Variants in ZNF385C observed in about 807,000 individuals in gnomAD.
The protein encoded by ZNF385C is CTD-2132N18.2.
A neutral mutation model predicts 35.4 loss-of-function variants in ZNF385C; 28 were observed. The ratio of observed to expected loss-of-function variants is 0.79; its 90% CI spans 0.59 to 1.08. The LOEUF is 1.08. Among genes scored for constraint, ZNF385C ranks in the 50% least tolerant of loss-of-function variants. The pLI, the probability that ZNF385C is intolerant of heterozygous loss-of-function variation, is 0.00. For synonymous variants in ZNF385C, 248 were observed against 248.2 expected, an observed-to-expected ratio of 1.00 and a Z score of 0.01; for missense variants, 605 against 595.6, an observed-to-expected ratio of 1.02 and a Z score of -0.16.
chr17:42,059,471 T>C (rs2053428460), intron 2 of ZNF385C, among the ~76,000 whole-genome samples: 1 of 152,024 alleles, frequency 6.6e-6, no homozygotes, highest in Non-Finnish European at 1.5e-5. Context: ...ACCCCTAAGA[T>C]GGTGCCCCCA....
chr17:42,048,617 T>C (rs902932716), intron 2 of ZNF385C, among the ~76,000 whole-genome samples: 4 of 152,104 alleles, frequency 2.6e-5, no homozygotes, highest in Admixed American at 1.3e-4. Context: ...AATCCATCCT[T>C]CTTCCTAGGT....
intron 1 of ZNF385C, among the ~76,000 whole-genome samples, chr17:42,067,284 A>G (rs1326135031): frequency 3.3e-5 from 5 of 152,162 alleles, no homozygotes; most frequent in Non-Finnish European, 7.3e-5. Context: ...AACTGAGACA[A>G]TAAACTTCTA....
rs4796760 is a variant in ZNF385C at position 42,026,197 on chromosome 17, G to A, written c.*700C>T. 0.96 allele frequency: 145,919 copies of A among 152,524 alleles called. 69,836 individuals are homozygous for A. The highest frequency in any genetic ancestry group is 0.98 in the African/African-American group (40,771 of 41,488). 9.4% of individuals were successfully genotyped at this position (152,524 alleles called of 1,614,324 possible). A position where few individuals can be genotyped will look rare whatever the true frequency, so the allele number is the denominator to read the frequency against. ...CCTGGGCAACAGAATGATACTCTCA[G>A]ACAGAAAAAAAGACTGGGCCCATGA... On this transcript the variant is annotated 3_prime_UTR_variant, in exon 9 of 9. Coordinates refer to ENST00000692273, the MANE Select transcript of ZNF385C (RefSeq NM_001392013.1).
At position 42,028,205 on chromosome 17, in the gene ZNF385C, G is replaced by T; in HGVS notation, c.1009C>A (p.Pro337Thr). 2 of 1,568,154 alleles carry T rather than the reference G, an allele frequency of 1.3e-6. No homozygotes were observed. The highest frequency in any genetic ancestry group is 1.2e-5 in the South Asian group (1 of 85,150). The change falls in exon 7 of 9, where the codon CCC (proline) becomes ACC (threonine). Residue 337 changes from proline (P) to threonine (T), a missense_variant. Pro to Thr is a conservative substitution (Grantham distance 38, BLOSUM62 -1). Coordinates refer to ENST00000692273, the MANE Select transcript of ZNF385C (RefSeq NM_001392013.1). Reference sequence around the variant, plus strand: ...ACCGGGCGGCCCCGGCTCCTCCGGGGAGCCCCTCGCTGACCTTCCATCATC... The same window carrying T: ...ACCGGGCGGCCCCGGCTCCTCCGGGTAGCCCCTCGCTGACCTTCCATCATC... ...RWMMEGQRGA[P>T]RRSRGRPVSR...
rs201223179 is a variant in ZNF385C at position 42,079,219 on chromosome 17, C to CATAT, written c.-2-16165_-2-16162dup. Among the ~76,000 whole-genome samples, 364 of 125,190 alleles carry CATAT rather than the reference C, an allele frequency of 2.9e-3. 1 individual carries two copies. The Middle Eastern group carries it at 0.052, about 18-fold the overall frequency. The allele number at this position is 125,190 out of a possible 152,430, so 82.1% of individuals were successfully genotyped here. On this transcript the variant is annotated intron_variant, in intron 1 of 8. Transcript: ENST00000692273. ...AAAAAAAAAAATATATATATATATA[C>CATAT]ATATATATATATATACACACATATA... is the stretch of plus-strand genomic sequence containing the variant.
chr17:42,085,122 C>G (rs142083151), intron 1 of ZNF385C, among the ~76,000 whole-genome samples: 16,846 of 152,010 alleles, frequency 0.11, 1,265 homozygotes, highest in Middle Eastern at 0.3. Flanking sequence ...CATGGTGAAA[C>G]CCCGTCTCTA....
intron 1 of ZNF385C, among the ~76,000 whole-genome samples, chr17:42,064,897 G>T (rs1244716807): frequency 6.6e-6 from 1 of 151,794 alleles, no homozygotes; most frequent in Non-Finnish European, 1.5e-5. Context: ...ACCCAGGTTG[G>T]AGTGCAGTGG....
At chr17:42,076,630 A>C (rs1555659285) in intron 1 of ZNF385C, among the ~76,000 whole-genome samples, 1 of 151,866 alleles carries the variant, frequency 6.6e-6, no homozygotes, top group Non-Finnish European at 1.5e-5. Flanking sequence ...TCAAACAAAC[A>C]CACAAAAAAA....
Position 42,026,895 on chromosome 17 carries a change from G to A in ZNF385C, c.*2C>T. 1 of 1,584,274 alleles carries A rather than the reference G, an allele frequency of 6.3e-7. No individual in the cohort carries two copies. The highest frequency in any genetic ancestry group is 8.6e-7 in the Non-Finnish European group (1 of 1,164,772). On this transcript the variant is annotated 3_prime_UTR_variant, in exon 9 of 9. Coordinates refer to ENST00000692273, the MANE Select transcript of ZNF385C (RefSeq NM_001392013.1). ...AAATCAGCTCTGGCCTCCCCATGAG[G>A]GCTAATAAGGGGCAAGGACGATAGG...
intron 1 of ZNF385C, among the ~76,000 whole-genome samples, chr17:42,092,550 G>C (rs1396449305): frequency 3.9e-5 from 6 of 152,162 alleles, no homozygotes; most frequent in Admixed American, 3.3e-4. Flanking sequence ...TTCTTACAGG[G>C]GCCCCGAGCC....
At chr17:42,078,215 C>T (rs1321018557) in intron 1 of ZNF385C, among the ~76,000 whole-genome samples, 1 of 152,018 alleles carries the variant, frequency 6.6e-6, no homozygotes. Flanking sequence ...TGGGGGGATG[C>T]AAGGGCCAGG....
rs147292583 is a variant in ZNF385C, at chr17:42,076,174, A to C, written c.-2-13116T>G. Among the ~76,000 whole-genome samples, 461 of 152,168 alleles carry C rather than the reference A, an allele frequency of 3.0e-3. 1 individual carries two copies. The highest frequency in any genetic ancestry group is 0.01 in the African/African-American group (432 of 41,504). On this transcript the variant is annotated intron_variant, in intron 1 of 8. Coordinates refer to ENST00000692273, the MANE Select transcript of ZNF385C (RefSeq NM_001392013.1). ...CTTCACCTAGATACCTAGGAATAAC[A>C]CACCCCTAAACTCCAACTCTGCACG...
In ZNF385C at chr17:42,097,540, C is replaced by T. The variant is rs1166120814; in HGVS notation, c.-3+870G>A. Among the ~76,000 whole-genome samples the T allele has an allele frequency of 4.6e-5, 7 of 152,146 alleles. 1 individual carries two copies. Among genetic ancestry groups the T allele is most frequent in the Admixed American group, 6.5e-5 (1 of 15,276 alleles). ...CTGGACCCAGACAGCAATGTCCTGA[C>T]TTCCCTTTGTTCTATAATCCAGGGT... On this transcript the variant is annotated intron_variant, in intron 1 of 8. Coordinates refer to ENST00000692273, the MANE Select transcript of ZNF385C (RefSeq NM_001392013.1).
At chr17:42,057,247 G>T (rs1162736127) in intron 2 of ZNF385C, among the ~76,000 whole-genome samples, 1 of 152,176 alleles carries the variant, frequency 6.6e-6, no homozygotes, top group Non-Finnish European at 1.5e-5. Flanking sequence ...TATAAAGTGA[G>T]ACTGAATGTC....
At chr17:42,034,733 G>A (rs1311711031) in intron 3 of ZNF385C, among the ~76,000 whole-genome samples, 4 of 149,206 alleles carry the variant, frequency 2.7e-5, no homozygotes, top group African/African-American at 7.5e-5. Flanking sequence ...GCGGTGAACC[G>A]AGAGCAGGCC....
chr17:42,027,032 C>T lies in ZNF385C; in HGVS notation c.1377G>A (p.Gly459=), dbSNP rs781986017. 171 of 1,607,650 alleles carry T rather than the reference C, an allele frequency of 1.1e-4. No homozygotes were observed. The highest frequency in any genetic ancestry group is 1.4e-4 in the Non-Finnish European group (167 of 1,177,010). ...TAGGGGCAGGGCGGAGGGCCAGGGGCCCTGGCAGAGCACAGATGGCAGTGG... is the reference window on the plus strand; with the variant it reads ...TAGGGGCAGGGCGGAGGGCCAGGGGTCCTGGCAGAGCACAGATGGCAGTGG... The part of the protein sequence containing the change: ...TAATAICALP[G]PLALRPAPTA... Residue 459 remains glycine, a synonymous_variant, in exon 9 of 9, where the codon GGG becomes GGA. Coordinates refer to ENST00000692273, the MANE Select transcript of ZNF385C (RefSeq NM_001392013.1).
intron 4 of ZNF385C, among the ~76,000 whole-genome samples, chr17:42,032,786 C>T (rs1555655113): frequency 2.0e-5 from 3 of 151,718 alleles, no homozygotes; most frequent in Non-Finnish European, 4.4e-5. Flanking sequence ...AATCTAGGCT[C>T]ACTGTAACCT....
intron 2 of ZNF385C, 153 bp from the exon 3 acceptor site, chr17:42,038,038 C>T (rs2052906872): frequency 6.5e-7 from 1 of 1,535,642 alleles, no homozygotes; most frequent in Admixed American, 2.0e-5. Context: ...GTGATTATAG[C>T]CCCCTTCTCT....
chr17:42,035,197 C>T (rs542121426), intron 3 of ZNF385C, among the ~76,000 whole-genome samples: 5 of 151,328 alleles, frequency 3.3e-5, no homozygotes, highest in African/African-American at 4.9e-5. Flanking sequence ...CAGCCTCTCC[C>T]GGCTGTCTTT....
Sources: gnomAD v4.1 joint callset for allele counts (sites outside exome capture counted in the v4.1 genomes callset) on GRCh38, gnomAD v4.1.1 for gene constraint, MANE v1.5 for transcripts, NCBI Gene and HGNC (gene_info 2026-07-23, HGNC 2026-07-21) for gene names.